UNC13C: variants seen among roughly 807,000 people sequenced by gnomAD.
The protein encoded by UNC13C is unc-13 homolog C.
A neutral mutation model predicts 245.4 loss-of-function variants in UNC13C; 174 were observed. The ratio of observed to expected loss-of-function variants is 0.71; its 90% CI spans 0.63 to 0.80. UNC13C has a LOEUF of 0.80. UNC13C is among the 30% of genes least tolerant of loss of function. The probability of loss-of-function intolerance (pLI) is 0.00; values close to 1 mark genes in which losing one functional copy is unlikely to be tolerated. For missense variants in UNC13C, 2,829 were observed against 2,602.9 expected (o/e 1.09, Z -1.89); for synonymous variants, 992 against 895.1 (o/e 1.11, Z -1.93).
chr15:53,863,614 C>G, the UNC13C span, among the ~76,000 whole-genome samples: 1 of 152,246 alleles, frequency 6.6e-6, no homozygotes, highest in South Asian at 2.1e-4. Context: ...ATTCAATAGA[C>G]TAGTATGTAG....
intron 4 of UNC13C, among the ~76,000 whole-genome samples, chr15:54,221,400 G>T (rs1470283736): frequency 6.6e-6 from 1 of 151,954 alleles, no homozygotes; most frequent in African/African-American, 2.4e-5. Flanking sequence ...AAAGAGAAGG[G>T]AGGATAACAC....
chr15:54,115,325 T>C (rs1462525351), intron 2 of UNC13C, among the ~76,000 whole-genome samples: 1 of 152,124 alleles, frequency 6.6e-6, no homozygotes, highest in Admixed American at 6.5e-5. Flanking sequence ...TTAAATTCTT[T>C]TTTCCATATG....
At chr15:53,858,273 A>G in the UNC13C span, among the ~76,000 whole-genome samples, 1 of 152,108 alleles carries the variant, frequency 6.6e-6, no homozygotes, top group Non-Finnish European at 1.5e-5. Flanking sequence ...TGCATTTTAA[A>G]TGTTTGCTTA....
intron 1 of UNC13C, among the ~76,000 whole-genome samples, chr15:53,992,794 A>G (rs1894449461): frequency 6.6e-6 from 1 of 152,116 alleles, no homozygotes; most frequent in Non-Finnish European, 1.5e-5. Flanking sequence ...AGTCAGCTTT[A>G]CATTAGTAAT....
At chr15:54,528,472 A>G (rs1296290536) in intron 25 of UNC13C, among the ~76,000 whole-genome samples, 1 of 152,002 alleles carries the variant, frequency 6.6e-6, no homozygotes, top group Non-Finnish European at 1.5e-5. Flanking sequence ...TACTGGCACT[A>G]CTTTTATTCA....
chr15:53,946,673 GTTTTTTTT>G, the UNC13C span, among the ~76,000 whole-genome samples: 2 of 99,284 alleles, frequency 2.0e-5, no homozygotes, highest in Non-Finnish European at 3.8e-5. Flanking sequence ...GTGAGCTGAG[GTTTTTTTT>G]TTTTTTTTTT....
chr15:54,313,209 G>A (rs1372344096), intron 13 of UNC13C, among the ~76,000 whole-genome samples: 1 of 151,928 alleles, frequency 6.6e-6, no homozygotes, highest in East Asian at 1.9e-4. Flanking sequence ...CGCCTTCAAA[G>A]TAGCCATTGT....
At chr15:54,066,447 T>C (rs542750969) in intron 2 of UNC13C, among the ~76,000 whole-genome samples, 2 of 152,326 alleles carry the variant, frequency 1.3e-5, no homozygotes, top group Admixed American at 1.3e-4. Flanking sequence ...CATTTTGTTT[T>C]TTCAGACTTG....
intron 2 of UNC13C, among the ~76,000 whole-genome samples, chr15:54,016,687 AGTTT>A (rs1203106023): frequency 6.6e-6 from 1 of 152,226 alleles, no homozygotes; most frequent in Non-Finnish European, 1.5e-5. Flanking sequence ...TAAATGTAAG[AGTTT>A]GTTTACTTTC....
intron 19 of UNC13C, among the ~76,000 whole-genome samples, chr15:54,456,430 T>C (rs775676231): frequency 2.6e-5 from 4 of 152,020 alleles, no homozygotes; most frequent in Non-Finnish European, 4.4e-5. Context: ...AATATATAGA[T>C]TGCTTTTGGC....
chr15:54,217,871 GCT>G (rs2140771085), intron 4 of UNC13C, among the ~76,000 whole-genome samples: 1 of 151,868 alleles, frequency 6.6e-6, no homozygotes, highest in African/African-American at 2.4e-5. Flanking sequence ...CTTCCATCTT[GCT>G]CTTTCCAGGC....
intron 10 of UNC13C, among the ~76,000 whole-genome samples, chr15:54,278,538 T>C (rs566625796): frequency 6.6e-6 from 1 of 152,184 alleles, no homozygotes; most frequent in South Asian, 2.1e-4. Context: ...ATCCCAGGGC[T>C]TCCTCAACTT....
chr15:54,387,163 G>A (rs1204773165), intron 17 of UNC13C, among the ~76,000 whole-genome samples: 2 of 152,160 alleles, frequency 1.3e-5, no homozygotes, highest in African/African-American at 2.4e-5. Flanking sequence ...TGAAAGCAAA[G>A]CAAGTTTATT....
At chr15:54,025,530 C>G (rs2141010162) in intron 2 of UNC13C, among the ~76,000 whole-genome samples, 1 of 152,214 alleles carries the variant, frequency 6.6e-6, no homozygotes, top group Admixed American at 6.5e-5. Flanking sequence ...GGGAAGAAAA[C>G]CCAGAAGTAG....
At chr15:54,403,332 G>T (rs2040226173) in intron 18 of UNC13C, among the ~76,000 whole-genome samples, 1 of 151,982 alleles carries the variant, frequency 6.6e-6, no homozygotes, top group Admixed American at 6.6e-5. Context: ...CTTGATCCTA[G>T]GAGTTCAAGG....
intron 10 of UNC13C, among the ~76,000 whole-genome samples, chr15:54,280,438 C>T (rs902171206): frequency 6.6e-6 from 1 of 151,280 alleles, no homozygotes; most frequent in African/African-American, 2.4e-5. Context: ...AATACTAATA[C>T]TAAATAATAA....
At chr15:54,251,058 C>T (rs1022809104) in intron 8 of UNC13C, among the ~76,000 whole-genome samples, 4 of 151,952 alleles carry the variant, frequency 2.6e-5, no homozygotes, top group Non-Finnish European at 4.4e-5. Flanking sequence ...GCGCCCGGCC[C>T]CTATCTATTT....
At chr15:54,184,602 AT>A (rs1228872852) in intron 4 of UNC13C, among the ~76,000 whole-genome samples, 1 of 152,048 alleles carries the variant, frequency 6.6e-6, no homozygotes. Context: ...TGAACTCATC[AT>A]TTTTTATGGC....
At position 54,554,133 on chromosome 15, in the gene UNC13C, C is replaced by T. The variant is rs576474720; in HGVS notation, c.5878-1299C>T. The stretch of plus-strand genomic sequence containing the variant: ...TGGAGCATATAAAATCTGTGACACA[C>T]ATTGAAGGAAGTACAATCCAATTAC... On this transcript the variant is annotated intron_variant, in intron 28 of 32. Coordinates refer to ENST00000260323, the MANE Select transcript of UNC13C (RefSeq NM_001080534.3). Among the ~76,000 whole-genome samples the T allele has an allele frequency of 3.9e-5, 6 of 152,082 alleles. No individual in the cohort carries two copies. In the South Asian group the frequency reaches 6.2e-4, roughly 16 times the overall value.
Sources: allele counts gnomAD v4.1 joint callset (sites outside exome capture counted in the v4.1 genomes callset), GRCh38; gene constraint gnomAD v4.1.1; transcripts MANE v1.5; gene names NCBI Gene and HGNC (gene_info 2026-07-23, HGNC 2026-07-21).